The following GAK variants were observed in gnomAD, a reference collection of about 807,000 sequenced individuals.
The protein encoded by GAK is cyclin G associated kinase, also known as cyclin-G-associated kinase.
In GAK, 79 loss-of-function variants were observed where a neutral mutation model predicts 143.9. The observed-to-expected ratio is 0.55, with a 90% CI of 0.46 to 0.66. The LOEUF is 0.66. GAK is among the 30% of genes least tolerant of loss of function. The probability of loss-of-function intolerance (pLI) is 0.00; values close to 1 mark genes in which losing one functional copy is unlikely to be tolerated. For synonymous variants in GAK, 881 were observed against 765.5 expected (o/e 1.15, Z -2.49); for missense variants, 1,693 against 1,779.7 (o/e 0.95, Z 0.88).
chr4:925,446 G>A (rs1033275601), intron 1 of GAK, among the ~76,000 whole-genome samples: 4 of 152,196 alleles, frequency 2.6e-5, no homozygotes, highest in African/African-American at 9.7e-5. Context: ...GACCACTACA[G>A]GCAGATCTGA....
At chr4:913,760 G>A in intron 1 of GAK, 92 bp from the exon 2 acceptor site, 1 of 1,127,736 alleles carries the variant, frequency 8.9e-7, no homozygotes. Flanking sequence ...AATACAAATT[G>A]ACTTGTGGCG....
Position 868,611 on chromosome 4 carries a change from G to C in GAK, c.2323C>G (p.Pro775Ala), listed in dbSNP as rs367897357. 30 of 1,592,840 alleles carry C rather than the reference G, an allele frequency of 1.9e-5. No individual in the cohort carries two copies. In the African/African-American group the frequency reaches 3.6e-4, roughly 19 times the overall value. ...CTTGGCGGTGAGTCAGAGTCTGTGG[G>C]TTCGGCTTCCGGGGACCCTGCCCCA... ...DAGAGSPEAE[P>A]TDSDSPPSSS... Residue 775 changes from proline (P) to alanine (A), a missense_variant, in exon 20 of 28, where the codon CCC becomes GCC. Coordinates refer to ENST00000314167, the MANE Select transcript of GAK (RefSeq NM_005255.4).
intron 1 of GAK, among the ~76,000 whole-genome samples, chr4:916,877 TAA>T (rs1249385827): frequency 1.3e-5 from 2 of 152,194 alleles, no homozygotes; most frequent in African/African-American, 4.8e-5. Context: ...CACATGTGCG[TAA>T]AGAGACTTCT....
intron 18 of GAK, among the ~76,000 whole-genome samples, chr4:872,054 G>T (rs907135442): frequency 6.6e-6 from 1 of 152,242 alleles, no homozygotes; most frequent in African/African-American, 2.4e-5. Flanking sequence ...ACCCAGAGCA[G>T]AGTGGGATCC....
At chr4:922,696 C>G (rs1355694048) in intron 1 of GAK, among the ~76,000 whole-genome samples, 2 of 152,126 alleles carry the variant, frequency 1.3e-5, no homozygotes, top group Non-Finnish European at 2.9e-5. Context: ...CTGATACGCT[C>G]CTACATTGCT....
At chr4:878,864 C>T (rs995803086) in intron 15 of GAK, among the ~76,000 whole-genome samples, 8 of 152,170 alleles carry the variant, frequency 5.3e-5, no homozygotes, top group Admixed American at 2.0e-4. Context: ...GGAGCTTGTG[C>T]GGGCCAGGCA....
intron 1 of GAK, among the ~76,000 whole-genome samples, chr4:918,048 A>G (rs1447620210): frequency 6.6e-6 from 1 of 152,246 alleles, no homozygotes; most frequent in African/African-American, 2.4e-5. Flanking sequence ...CAAATTAAGG[A>G]AAGAGATCAC....
intron 4 of GAK, among the ~76,000 whole-genome samples, chr4:911,117 T>A (rs1169198185): frequency 6.6e-6 from 1 of 151,148 alleles, no homozygotes; most frequent in Non-Finnish European, 1.5e-5. Context: ...GACCATGGAG[T>A]CGTTGTGCCA....
Position 882,000 on chromosome 4 carries a change from AG to A in GAK, c.1567del (p.Leu523CysfsTer19). 1.9e-6 allele frequency: 3 copies of A among 1,607,182 alleles called. No homozygotes were observed. Among genetic ancestry groups the A allele is most frequent in the Non-Finnish European group, 2.5e-6 (3 of 1,177,264 alleles). On this transcript the variant is annotated frameshift_variant, in exon 15 of 28. Coordinates refer to ENST00000314167, the MANE Select transcript of GAK (RefSeq NM_005255.4). LOFTEE classifies it high-confidence loss of function. ...GGTGCTGAAGAGACGGCAGAAGCACAGGAAGGAGCAGACGGCCACAGCAGAC... is the reference window on the plus strand; with the variant it reads ...GGTGCTGAAGAGACGGCAGAAGCACAGAAGGAGCAGACGGCCACAGCAGAC... ...AASAVAVCSFLCFCRLFSTAE... is the reference protein window; with the variant it reads ...AASAVAVCSFXCFCRLFSTAE...
At chr4:893,787 G>C (rs1055651742) in intron 8 of GAK, 87 bp downstream of exon 8, 3 of 1,427,040 alleles carry the variant, frequency 2.1e-6, no homozygotes, top group South Asian at 2.9e-5. Flanking sequence ...CAGGTGAGCA[G>C]TGCCCCAAGG....
At chr4:923,454 A>G (rs1724208972) in intron 1 of GAK, among the ~76,000 whole-genome samples, 1 of 152,140 alleles carries the variant, frequency 6.6e-6, no homozygotes, top group African/African-American at 2.4e-5. Flanking sequence ...GAATCACTTG[A>G]GCCCAGGAGT....
In GAK at chr4:912,810, GCA is replaced by G. The variant is rs775748324; in HGVS notation, c.208-18_208-17del. The G allele has an allele frequency of 3.1e-6, 5 of 1,609,566 alleles. No homozygotes were observed. Among genetic ancestry groups the G allele is most frequent in the Non-Finnish European group, 4.2e-6 (5 of 1,177,212 alleles). The stretch of plus-strand genomic sequence containing the variant: ...ATAATAGCCTCTGTATCAGGAAACA[GCA>G]CACACAAAAGATGAAAGCAAGTTTA... On this transcript the variant is annotated splice_polypyrimidine_tract_variant and intron_variant, in intron 2 of 27. Transcript: ENST00000314167.
At chr4:904,019 G>A (rs905710057) in intron 5 of GAK, among the ~76,000 whole-genome samples, 12 of 152,262 alleles carry the variant, frequency 7.9e-5, no homozygotes, top group Admixed American at 2.0e-4. Context: ...AGAGGCTCAC[G>A]CACATCTTCT....
intron 19 of GAK, chr4:869,386 A>AACAC: frequency 8.3e-6 from 1 of 120,390 alleles, no homozygotes; most frequent in East Asian, 2.9e-4. Context: ...CACGAATGCA[A>AACAC]AGCACACACA....
intron 18 of GAK, among the ~76,000 whole-genome samples, chr4:871,506 G>C (rs745637012): frequency 6.6e-6 from 1 of 152,224 alleles, no homozygotes; most frequent in African/African-American, 2.4e-5. Flanking sequence ...TCTAGAATCC[G>C]GCTGCCAGGG....
rs371041802 is a variant in GAK, at chr4:897,925, G to C, written c.651+108C>G. ...GATTGCACCACTGCACTCCAGCCTGGTGACAGAGCGAGACTCAAAGCACCC... is the reference window on the plus strand; with the variant it reads ...GATTGCACCACTGCACTCCAGCCTGCTGACAGAGCGAGACTCAAAGCACCC... On this transcript the variant is annotated intron_variant, in intron 6 of 27. Coordinates refer to ENST00000314167, the MANE Select transcript of GAK (RefSeq NM_005255.4). 1.2e-4 allele frequency: 152 copies of C among 1,304,148 alleles called. 1 individual carries two copies. In the East Asian group the frequency reaches 3.7e-3, roughly 32 times the overall value. The allele number at this position is 1,304,148 out of a possible 1,614,324, so 80.8% of individuals were successfully genotyped here.
chr4:912,693 C>G, intron 3 of GAK, 42 bp downstream of exon 3: 25 of 1,567,034 alleles, frequency 1.6e-5, no homozygotes, highest in Non-Finnish European at 2.2e-5. Flanking sequence ...CCTGTGCCTG[C>G]CAAAGCCACC....
At chr4:902,604 A>AAAAAAAAAACAAAC (rs1560401466) in intron 5 of GAK, among the ~76,000 whole-genome samples, 1 of 149,650 alleles carries the variant, frequency 6.7e-6, no homozygotes, top group African/African-American at 2.5e-5. Flanking sequence ...CTCAAAAAAA[A>AAAAAAAAAACAAAC]AAAAAAAAAA....
rs1192107575 is a variant in GAK at position 849,361 on chromosome 4, A to G, written c.*312T>C. 1 of 440,478 alleles carries G rather than the reference A, an allele frequency of 2.3e-6. No homozygotes were observed. Among genetic ancestry groups the G allele is most frequent in the Non-Finnish European group, 4.2e-6 (1 of 237,392 alleles). 27.3% of individuals were successfully genotyped at this position (440,478 alleles called of 1,614,324 possible). A position where few individuals can be genotyped will look rare whatever the true frequency, so the allele number is the denominator to read the frequency against. The stretch of plus-strand genomic sequence containing the variant: ...GCAAACACCAGGGCCCATGAGCGCC[A>G]GCAGCGTGGCCCACCACGTGCCGGG... On this transcript the variant is annotated 3_prime_UTR_variant, in exon 28 of 28. Transcript: ENST00000314167.
Sources: allele counts gnomAD v4.1 joint callset (sites outside exome capture counted in the v4.1 genomes callset), GRCh38; gene constraint gnomAD v4.1.1; transcripts MANE v1.5; gene names NCBI Gene and HGNC (gene_info 2026-07-23, HGNC 2026-07-21).